Variants in DNM3 observed in about 807,000 individuals in gnomAD.
DNM3 encodes dynamin-3.
A neutral mutation model predicts 101.6 loss-of-function variants in DNM3; 47 were observed. That is an observed-to-expected ratio of 0.46 (90% CI 0.37 to 0.59). The LOEUF (loss-of-function observed/expected upper bound fraction) is 0.59, where lower values mean the gene tolerates loss of function less well. DNM3 is among the 20% of genes least tolerant of loss of function. DNM3 has a pLI of 0.00. For synonymous variants in DNM3, 385 were observed against 387.9 expected, an observed-to-expected ratio of 0.99 and a Z score of 0.09; for missense variants, 849 against 1,085.7, an observed-to-expected ratio of 0.78 and a Z score of 3.06.
At chr1:171,892,039 G>A (rs1408944402) in intron 1 of DNM3, among the ~76,000 whole-genome samples, 1 of 152,056 alleles carries the variant, frequency 6.6e-6, no homozygotes, top group East Asian at 1.9e-4. Flanking sequence ...TATCAGTATG[G>A]ACTCATGAAT....
chr1:172,407,768 C>T lies in DNM3; in HGVS notation c.2523-4C>T. 6.2e-7 allele frequency: 1 copy of T among 1,612,830 alleles called. No homozygotes were observed. Among genetic ancestry groups the T allele is most frequent in the Admixed American group, 1.7e-5 (1 of 59,958 alleles). On this transcript the variant is annotated splice_polypyrimidine_tract_variant and splice_region_variant and intron_variant, in intron 20 of 20. Transcript: ENST00000627582. Reference sequence around the variant, plus strand: ...TCTTTACCTTTCTCTTTTTCTCTTTCTAGCCGGAGACCACCCCCATCACCA... The same window carrying T: ...TCTTTACCTTTCTCTTTTTCTCTTTTTAGCCGGAGACCACCCCCATCACCA...
chr1:172,358,855 C>T (rs1001119122), intron 17 of DNM3, among the ~76,000 whole-genome samples: 1 of 150,950 alleles, frequency 6.6e-6, no homozygotes, highest in African/African-American at 2.4e-5. Flanking sequence ...GACTCCTTTC[C>T]GGGTCTCCCT....
intron 14 of DNM3, among the ~76,000 whole-genome samples, chr1:172,223,349 G>A (rs1419608839): frequency 1.3e-5 from 2 of 148,458 alleles, no homozygotes; most frequent in East Asian, 2.0e-4. Flanking sequence ...CAGGCATATC[G>A]GCAGGCACCA....
chr1:171,982,321 C>G (rs1263824368), intron 2 of DNM3, among the ~76,000 whole-genome samples: 2 of 152,138 alleles, frequency 1.3e-5, no homozygotes, highest in African/African-American at 2.4e-5. Flanking sequence ...GCTAGAATTT[C>G]CTTCATCCCC....
At chr1:171,988,220 T>C (rs1410246594) in intron 3 of DNM3, among the ~76,000 whole-genome samples, 1 of 152,184 alleles carries the variant, frequency 6.6e-6, no homozygotes, top group Non-Finnish European at 1.5e-5. Flanking sequence ...TCCCCCAGAC[T>C]ATCGGTAGAA....
At chr1:171,948,383 C>T (rs1448500774) in intron 2 of DNM3, among the ~76,000 whole-genome samples, 1 of 152,026 alleles carries the variant, frequency 6.6e-6, no homozygotes, top group East Asian at 1.9e-4. Flanking sequence ...AAGAATGATC[C>T]AGGTTAAGAA....
chr1:172,270,888 A>G (rs986237035), intron 15 of DNM3, among the ~76,000 whole-genome samples: 1 of 152,158 alleles, frequency 6.6e-6, no homozygotes, highest in Non-Finnish European at 1.5e-5. Flanking sequence ...AGTTTTGACT[A>G]TTCAAACAAG....
intron 1 of DNM3, among the ~76,000 whole-genome samples, chr1:171,887,600 T>C (rs1409436539): frequency 6.6e-6 from 1 of 152,212 alleles, no homozygotes; most frequent in Non-Finnish European, 1.5e-5. Context: ...TATGGGAAAC[T>C]TAAGATAAAC....
At chr1:172,241,190 T>G (rs2061735144) in intron 14 of DNM3, among the ~76,000 whole-genome samples, 1 of 151,894 alleles carries the variant, frequency 6.6e-6, no homozygotes, top group South Asian at 2.1e-4. Context: ...ATTCTCAATT[T>G]AAAATTTTTC....
intron 4 of DNM3, among the ~76,000 whole-genome samples, chr1:172,006,695 G>C (rs758330382): frequency 2.0e-5 from 3 of 151,902 alleles, no homozygotes; most frequent in Non-Finnish European, 4.4e-5. Flanking sequence ...GCTTGGGTGG[G>C]GAAGTATGCA....
intron 14 of DNM3, chr1:172,131,748 C>T: frequency 1.2e-5 from 4 of 335,202 alleles, no homozygotes; most frequent in South Asian, 9.8e-5. Flanking sequence ...TAAGAACGTC[C>T]ACATCGCTAG....
chr1:172,144,678 GA>G, intron 14 of DNM3: 1 of 516,914 alleles, frequency 1.9e-6, no homozygotes, highest in Non-Finnish European at 4.0e-6. Flanking sequence ...CGGTCCTCAG[GA>G]AAAGCCTCCC....
intron 7 of DNM3, among the ~76,000 whole-genome samples, chr1:172,040,318 A>C (rs1184760623): frequency 6.6e-6 from 1 of 152,214 alleles, no homozygotes; most frequent in East Asian, 1.9e-4. Context: ...AATAATTTGC[A>C]GCTACTTTTC....
intron 14 of DNM3, among the ~76,000 whole-genome samples, chr1:172,168,287 G>A (rs1464418989): frequency 6.6e-6 from 1 of 151,620 alleles, no homozygotes; most frequent in Non-Finnish European, 1.5e-5. Context: ...AACTACACTG[G>A]GAAAGCAAGA....
At chr1:172,254,573 G>A (rs1181662137) in intron 15 of DNM3, among the ~76,000 whole-genome samples, 1 of 152,086 alleles carries the variant, frequency 6.6e-6, no homozygotes, top group Non-Finnish European at 1.5e-5. Context: ...ACTTTCTTAA[G>A]GTCATAAAAC....
At chr1:172,054,131 T>C (rs779921352) in intron 10 of DNM3, among the ~76,000 whole-genome samples, 4 of 152,260 alleles carry the variant, frequency 2.6e-5, no homozygotes, top group African/African-American at 4.8e-5. Context: ...AATACAGTTT[T>C]CATTTACAAC....
chr1:172,353,307 A>G (rs1461327440), intron 17 of DNM3, among the ~76,000 whole-genome samples: 2 of 152,200 alleles, frequency 1.3e-5, no homozygotes, highest in Non-Finnish European at 2.9e-5. Context: ...CAAATTTGTC[A>G]TCTTTCTTCA....
chr1:172,052,211 C>T (rs370227266), intron 10 of DNM3, among the ~76,000 whole-genome samples: 3 of 152,154 alleles, frequency 2.0e-5, no homozygotes, highest in East Asian at 3.8e-4. Flanking sequence ...CCTGTATTCA[C>T]AGCCACACCC....
At chr1:172,156,046 G>A (rs762429732) in intron 14 of DNM3, among the ~76,000 whole-genome samples, 2 of 152,062 alleles carry the variant, frequency 1.3e-5, no homozygotes, top group Non-Finnish European at 2.9e-5. Flanking sequence ...TCCATAGAAC[G>A]AGGATAATAA....
Sources: allele counts gnomAD v4.1 joint callset (sites outside exome capture counted in the v4.1 genomes callset), GRCh38; gene constraint gnomAD v4.1.1; transcripts MANE v1.5; gene names NCBI Gene and HGNC (gene_info 2026-07-23, HGNC 2026-07-21).